CACNA1D: variants seen among roughly 807,000 people sequenced by gnomAD.
CACNA1D encodes the protein calcium voltage-gated channel subunit alpha1 D, also known as voltage-dependent L-type calcium channel subunit alpha-1D.
CACNA1D carries 55 observed loss-of-function variants against 257.1 expected under a neutral mutation model. The observed-to-expected ratio is 0.21, with a 90% confidence interval of 0.17 to 0.27. The LOEUF is 0.27. Ranked by LOEUF, CACNA1D falls within the 10% of genes least tolerant of loss-of-function variation. CACNA1D has a pLI of 1.00. For missense variants in CACNA1D, 1,876 were observed against 2,784.0 expected (o/e 0.67, Z 7.34); for synonymous variants, 980 against 1,014.9 (o/e 0.97, Z 0.65).
chr3:53,671,254 C>T (rs2094320485), intron 7 of CACNA1D, among the ~76,000 whole-genome samples: 2 of 152,220 alleles, frequency 1.3e-5, no homozygotes, highest in South Asian at 2.1e-4. Flanking sequence ...AAGCAGATGG[C>T]TCAGCAGATG....
intron 3 of CACNA1D, among the ~76,000 whole-genome samples, chr3:53,629,361 C>T (rs2093796803): frequency 6.6e-6 from 1 of 151,764 alleles, no homozygotes; most frequent in African/African-American, 2.4e-5. Flanking sequence ...TCCATTTTCT[C>T]TTAAGAAAGT....
intron 3 of CACNA1D, among the ~76,000 whole-genome samples, chr3:53,567,347 A>G (rs1292115119): frequency 6.6e-6 from 1 of 152,234 alleles, no homozygotes; most frequent in East Asian, 1.9e-4. Context: ...TCATTATGAA[A>G]GAGGCTTCGT....
At chr3:53,748,085 T>A (rs1020977698) in intron 26 of CACNA1D, among the ~76,000 whole-genome samples, 1 of 152,174 alleles carries the variant, frequency 6.6e-6, no homozygotes, top group African/African-American at 2.4e-5. Context: ...AGGCAGGTGG[T>A]CTGGTGTGTC....
At chr3:53,684,342 C>T (rs1335558607) in intron 8 of CACNA1D, among the ~76,000 whole-genome samples, 3 of 152,152 alleles carry the variant, frequency 2.0e-5, no homozygotes, top group African/African-American at 7.2e-5. Flanking sequence ...AGGAGCATGG[C>T]CGGGCACGGT....
At chr3:53,604,095 C>T (rs1167134152) in intron 3 of CACNA1D, among the ~76,000 whole-genome samples, 1 of 152,202 alleles carries the variant, frequency 6.6e-6, no homozygotes. Context: ...CACCTAAATC[C>T]TGGGGCTGAG....
At chr3:53,695,621 G>A (rs1184498801) in intron 8 of CACNA1D, among the ~76,000 whole-genome samples, 1 of 152,208 alleles carries the variant, frequency 6.6e-6, no homozygotes, top group Non-Finnish European at 1.5e-5. Context: ...AGTGACCGTA[G>A]CATGGTGGTG....
At position 53,746,394 on chromosome 3, in the gene CACNA1D, A is replaced by G. The variant is rs539970082; in HGVS notation, c.3167+519A>G. On this transcript the variant is annotated intron_variant, in intron 25 of 47. Transcript: ENST00000350061. ...TCTTGGCCATATTTCCATAGACAAGAACTGGCAGAGGAGAGACAAGGTGGG... is the reference window on the plus strand; with the variant it reads ...TCTTGGCCATATTTCCATAGACAAGGACTGGCAGAGGAGAGACAAGGTGGG... Among the ~76,000 whole-genome samples the G allele has an allele frequency of 2.6e-5, 4 of 152,296 alleles. No individual in the cohort carries two copies. In the South Asian group the frequency reaches 8.3e-4, roughly 32 times the overall value.
At chr3:53,718,051 T>C (rs1374239597) in intron 9 of CACNA1D, among the ~76,000 whole-genome samples, 1 of 152,106 alleles carries the variant, frequency 6.6e-6, no homozygotes, top group Non-Finnish European at 1.5e-5. Flanking sequence ...TTCTTGGAAA[T>C]GTCTAGGGGG....
intron 3 of CACNA1D, among the ~76,000 whole-genome samples, chr3:53,625,391 G>A (rs944688527): frequency 3.9e-5 from 6 of 152,104 alleles, no homozygotes; most frequent in African/African-American, 1.4e-4. Context: ...CAGATATGTC[G>A]CGTTCTGACT....
intron 40 of CACNA1D, chr3:53,798,155 T>C (rs2095516249): frequency 6.6e-6 from 1 of 152,250 alleles, no homozygotes; most frequent in Non-Finnish European, 1.5e-5. Context: ...GCAGCTGTGC[T>C]GTGTAAGAGC....
At chr3:53,707,845 A>G (rs1157288606) in intron 9 of CACNA1D, among the ~76,000 whole-genome samples, 4 of 152,246 alleles carry the variant, frequency 2.6e-5, no homozygotes, top group Non-Finnish European at 5.9e-5. Context: ...GCTCATTCTA[A>G]AATTCTGGCC....
chr3:53,674,802 C>T (rs2094358246), intron 8 of CACNA1D, among the ~76,000 whole-genome samples: 1 of 152,204 alleles, frequency 6.6e-6, no homozygotes, highest in African/African-American at 2.4e-5. Context: ...CAAGAGGGGC[C>T]CACGTCTCCC....
At chr3:53,596,656 G>T (rs961399752) in intron 3 of CACNA1D, among the ~76,000 whole-genome samples, 1 of 152,152 alleles carries the variant, frequency 6.6e-6, no homozygotes, top group Non-Finnish European at 1.5e-5. Flanking sequence ...ATGTAACCAC[G>T]AGCCAAGGAA....
intron 8 of CACNA1D, among the ~76,000 whole-genome samples, chr3:53,677,614 TTA>T (rs1576322256): frequency 6.6e-6 from 1 of 152,192 alleles, no homozygotes; most frequent in East Asian, 1.9e-4. Flanking sequence ...TGGCCACACT[TTA>T]CACACACATC....
chr3:53,534,538 T>G (rs912907386), intron 3 of CACNA1D, among the ~76,000 whole-genome samples: 2 of 152,134 alleles, frequency 1.3e-5, no homozygotes, highest in Non-Finnish European at 2.9e-5. Flanking sequence ...CCATTCTGTG[T>G]GCCCCTCAAC....
chr3:53,586,322 A>G (rs1312594999), intron 3 of CACNA1D, among the ~76,000 whole-genome samples: 1 of 113,926 alleles, frequency 8.8e-6, no homozygotes, highest in African/African-American at 3.3e-5. Flanking sequence ...GTGTGTGTGC[A>G]TTCCTCCTTG....
intron 3 of CACNA1D, among the ~76,000 whole-genome samples, chr3:53,508,896 C>G (rs190614146): frequency 6.6e-6 from 1 of 152,056 alleles, no homozygotes; most frequent in Non-Finnish European, 1.5e-5. Context: ...CAGGGAGGGA[C>G]CATGTGCACT....
At chr3:53,651,568 T>C (rs952174029) in intron 4 of CACNA1D, among the ~76,000 whole-genome samples, 1 of 152,146 alleles carries the variant, frequency 6.6e-6, no homozygotes, top group African/African-American at 2.4e-5. Flanking sequence ...GAAAGGAGAA[T>C]GTTAAAATAA....
intron 32 of CACNA1D, among the ~76,000 whole-genome samples, chr3:53,772,418 GC>G (rs2095371319): frequency 6.6e-6 from 1 of 152,014 alleles, no homozygotes; most frequent in Non-Finnish European, 1.5e-5. Context: ...CTACAATACC[GC>G]CCCCCAAAAC....
Sources: gnomAD v4.1 joint callset for allele counts (sites outside exome capture counted in the v4.1 genomes callset) on GRCh38, gnomAD v4.1.1 for gene constraint, MANE v1.5 for transcripts, NCBI Gene and HGNC (gene_info 2026-07-23, HGNC 2026-07-21) for gene names.